TENM1: variants seen among roughly 807,000 people sequenced by gnomAD.
The protein encoded by TENM1 is teneurin-1.
TENM1 carries 35 observed loss-of-function variants against 174.8 expected under a neutral mutation model. The observed-to-expected ratio is 0.20, with a 90% CI of 0.15 to 0.27. The LOEUF (loss-of-function observed/expected upper bound fraction) is 0.27. Ranked by LOEUF, TENM1 falls within the 10% of genes least tolerant of loss-of-function variation. The probability of loss-of-function intolerance (pLI) is 1.00; values close to 1 mark genes in which losing one functional copy is unlikely to be tolerated. For missense variants in TENM1, 1,633 were observed against 2,130.1 expected, an observed-to-expected ratio of 0.77 and a Z score of 4.59; for synonymous variants, 781 against 798.7, an observed-to-expected ratio of 0.98 and a Z score of 0.37.
At chrX:124,762,926 A>G (rs2054454182) in intron 3 of TENM1, among the ~76,000 whole-genome samples, 1 of 111,192 alleles carries the variant, frequency 9.0e-6, no homozygotes, top group Non-Finnish European at 1.9e-5. Context: ...TTTACTGTGT[A>G]GTCTTTACTT....
the TENM1 span, among the ~76,000 whole-genome samples, chrX:125,188,618 C>T: frequency 9.0e-6 from 1 of 111,345 alleles, no homozygotes; most frequent in African/African-American, 3.3e-5. Context: ...ACTTAAATGC[C>T]ATATTTAAAA....
chrX:125,186,492 A>T, the TENM1 span, among the ~76,000 whole-genome samples: 1 of 110,170 alleles, frequency 9.1e-6, no homozygotes, highest in Non-Finnish European at 1.9e-5. Context: ...TGTTTAGATC[A>T]TGGGAGTAGA....
chrX:124,682,868 C>T lies in TENM1; in HGVS notation c.1016-11033G>A, dbSNP rs182424130. 1.5e-4 allele frequency among the ~76,000 whole-genome samples: 17 copies of T among 110,944 alleles called. No homozygotes were observed. The East Asian group carries it at 3.4e-3, about 22-fold the overall frequency. ...CATGGGAAGATAGGAAAACATGACA[C>T]GATATAATATCCTATTTTGAATTGG... On this transcript the variant is annotated intron_variant, in intron 5 of 31. Transcript: ENST00000422452.
At chrX:124,761,701 T>TA (rs1371736271) in intron 3 of TENM1, among the ~76,000 whole-genome samples, 2 of 111,247 alleles carry the variant, frequency 1.8e-5, no homozygotes, top group African/African-American at 3.3e-5. Context: ...AATAAAAAAA[T>TA]AAAAAAACAT....
intron 11 of TENM1, among the ~76,000 whole-genome samples, chrX:124,634,298 T>C (rs1266499313): frequency 9.0e-6 from 1 of 111,655 alleles, no homozygotes; most frequent in Non-Finnish European, 1.9e-5. Context: ...ATGATAATAT[T>C]AACATTATTG....
chrX:125,072,423 A>G, the TENM1 span, among the ~76,000 whole-genome samples: 1 of 111,835 alleles, frequency 8.9e-6, no homozygotes, highest in African/African-American at 3.2e-5. Flanking sequence ...TTTGTCGGTA[A>G]TTTATAAGAG....
chrX:124,516,501 A>G (rs1041114483), intron 18 of TENM1, among the ~76,000 whole-genome samples: 13 of 112,350 alleles, frequency 1.2e-4, no homozygotes, highest in Non-Finnish European at 1.7e-4. Context: ...AAACAAATTA[A>G]TAAGAAAAAA....
chrX:124,989,128 G>A, the TENM1 span, among the ~76,000 whole-genome samples: 1 of 111,467 alleles, frequency 9.0e-6, no homozygotes, highest in African/African-American at 3.2e-5. Context: ...GCCATTATTT[G>A]CAAATGGCAC....
the TENM1 span, among the ~76,000 whole-genome samples, chrX:125,098,932 A>T: frequency 1.3e-4 from 15 of 112,352 alleles, no homozygotes; most frequent in Non-Finnish European, 2.4e-4. Flanking sequence ...CCCATCCAGA[A>T]CTTGAAGGAG....
chrX:124,853,633 T>C, intron 3 of TENM1, among the ~76,000 whole-genome samples: 1 of 111,199 alleles, frequency 9.0e-6, no homozygotes, highest in Non-Finnish European at 1.9e-5. Context: ...TTTTCTGCTG[T>C]CTGCGAAGGT....
upstream of TENM1, among the ~76,000 whole-genome samples, chrX:124,965,762 C>T (rs2058719224): frequency 9.0e-6 from 1 of 111,169 alleles, no homozygotes; most frequent in Non-Finnish European, 1.9e-5. Context: ...ATATTGGCTT[C>T]ATATACTGTC....
the TENM1 span, among the ~76,000 whole-genome samples, chrX:125,103,712 G>A: frequency 1.8e-5 from 2 of 112,601 alleles, no homozygotes; most frequent in East Asian, 2.8e-4. Flanking sequence ...TAGGCCGGGC[G>A]CCATGGCTCA....
At chrX:124,857,382 A>C (rs1260190454) in intron 3 of TENM1, among the ~76,000 whole-genome samples, 1 of 111,838 alleles carries the variant, frequency 8.9e-6, no homozygotes, top group Non-Finnish European at 1.9e-5. Context: ...AACAAATGTG[A>C]TATCTCCACG....
intron 22 of TENM1, among the ~76,000 whole-genome samples, chrX:124,461,887 TAAAGA>T (rs1450499868): frequency 8.9e-6 from 1 of 112,056 alleles, no homozygotes; most frequent in Non-Finnish European, 1.9e-5. Flanking sequence ...GTTTCTAGCA[TAAAGA>T]AAAGACAACT....
intron 1 of TENM1, among the ~76,000 whole-genome samples, chrX:124,908,945 A>G (rs1463119187): frequency 3.8e-5 from 4 of 106,505 alleles, no homozygotes; most frequent in Non-Finnish European, 7.7e-5. Context: ...TGCAACCTCC[A>G]CCTCCCGGGT....
At chrX:125,140,437 G>A in the TENM1 span, among the ~76,000 whole-genome samples, 1 of 111,814 alleles carries the variant, frequency 8.9e-6, no homozygotes, top group African/African-American at 3.3e-5. Context: ...GCTGGGAAGG[G>A]TGTGTGGGTG....
chrX:124,641,842 C>T (rs142297328), exon 11 of TENM1: 37 of 1,209,943 alleles, frequency 3.1e-5, no homozygotes, highest in Middle Eastern at 2.3e-4. Context: ...CATACTCCAG[C>T]GTCCAGAAGA....
the TENM1 span, among the ~76,000 whole-genome samples, chrX:125,155,247 T>A: frequency 8.9e-6 from 1 of 112,107 alleles, no homozygotes; most frequent in Middle Eastern, 4.6e-3. Context: ...GAATGTCGAT[T>A]GGTGCATTCA....
At chrX:124,884,388 G>A (rs1048158284) in intron 3 of TENM1, among the ~76,000 whole-genome samples, 1 of 110,179 alleles carries the variant, frequency 9.1e-6, no homozygotes. Flanking sequence ...GGGGGTGGGT[G>A]GGGGGTGAGA....
Sources: gnomAD v4.1 joint callset for allele counts (sites outside exome capture counted in the v4.1 genomes callset) on GRCh38, gnomAD v4.1.1 for gene constraint, MANE v1.5 for transcripts, NCBI Gene and HGNC (gene_info 2026-07-23, HGNC 2026-07-21) for gene names.